MPP4: variants seen among roughly 807,000 people sequenced by gnomAD.
The protein encoded by MPP4 is MAGUK p55 scaffold protein 4.
MPP4 carries 91 observed loss-of-function variants against 98.3 expected under a neutral mutation model. The ratio of observed to expected loss-of-function variants is 0.93; its 90% confidence interval spans 0.78 to 1.10. MPP4 has a LOEUF of 1.10. Among genes scored for constraint, MPP4 ranks in the 50% least tolerant of loss-of-function variants. The pLI is 0.00. For missense variants in MPP4, 744 were observed against 792.9 expected, an observed-to-expected ratio of 0.94 and a Z score of 0.74; for synonymous variants, 261 against 271.8, an observed-to-expected ratio of 0.96 and a Z score of 0.39.
intron 16 of MPP4, among the ~76,000 whole-genome samples, chr2:201,658,058 C>A (rs1390152278): frequency 1.3e-5 from 2 of 151,590 alleles, no homozygotes; most frequent in Non-Finnish European, 2.9e-5. Flanking sequence ...GCTAGTTTTC[C>A]CCTGCCTCCC....
At position 201,680,988 on chromosome 2, in the gene MPP4, T is replaced by C; in HGVS notation, c.779A>G (p.Asp260Gly). The C allele has an allele frequency of 1.2e-6, 2 of 1,613,862 alleles. No individual in the cohort carries two copies. The highest frequency in any genetic ancestry group is 1.3e-5 in the African/African-American group (1 of 74,990). Residue 260 changes from aspartate to glycine, a missense_variant, in exon 10 of 22, where the codon GAC becomes GGC. By Grantham distance (94) the Asp-to-Gly change is moderately conservative (BLOSUM62 -1). Transcript: ENST00000409474. Reference protein sequence around the residue: ...MTEYWPQEDPDIPCMDAGLPF... With the variant: ...MTEYWPQEDPGIPCMDAGLPF... ...CAATCCAGCGTCCATGCAGGGGATGTCGGGATCCTCCTGGGGCCAGTACTC... is the reference window on the plus strand; with the variant it reads ...CAATCCAGCGTCCATGCAGGGGATGCCGGGATCCTCCTGGGGCCAGTACTC...
At chr2:201,661,486 G>A (rs201005984) in intron 14 of MPP4, 9 of 456,372 alleles carry the variant, frequency 2.0e-5, no homozygotes, top group Non-Finnish European at 4.0e-5. Flanking sequence ...AGAACGTATC[G>A]ATGCTTGAGA....
chr2:201,671,242 G>T (rs1329421917), intron 11 of MPP4, among the ~76,000 whole-genome samples: 1 of 152,142 alleles, frequency 6.6e-6, no homozygotes, highest in Non-Finnish European at 1.5e-5. Flanking sequence ...TGGAAAAGGG[G>T]CTGAAGCCAG....
intron 18 of MPP4, 58 bp downstream of exon 18, chr2:201,654,779 A>G: frequency 8.0e-7 from 1 of 1,244,518 alleles, no homozygotes; most frequent in Non-Finnish European, 1.1e-6. Flanking sequence ...GTTAAATGAG[A>G]TCAGCAAAGA....
rs1343560651 is a variant in MPP4, at chr2:201,649,561, C to T, written c.1584+15G>A. The T allele has an allele frequency of 6.4e-7, 1 of 1,568,462 alleles. No individual in the cohort carries two copies. The highest frequency in any genetic ancestry group is 1.2e-5 in the South Asian group (1 of 85,726). On this transcript the variant is annotated intron_variant, in intron 20 of 21. Coordinates refer to ENST00000409474, the MANE Select transcript of MPP4 (RefSeq NM_033066.3). ...TTCATTGTTTGGGGACATAAATATT[C>T]CACCATGGACCCACCTGAGGCTCTA...
chr2:201,660,326 A>T lies in MPP4; in HGVS notation c.1087+6T>A. The T allele has an allele frequency of 1.2e-6, 2 of 1,612,498 alleles. No homozygotes were observed. Among genetic ancestry groups the T allele is most frequent in the Non-Finnish European group, 1.7e-6 (2 of 1,178,490 alleles). On this transcript the variant is annotated splice_donor_region_variant and intron_variant, in intron 15 of 21. Coordinates refer to ENST00000409474, the MANE Select transcript of MPP4 (RefSeq NM_033066.3). The stretch of plus-strand genomic sequence containing the variant: ...TTTGGTATATCTAGGAAATAAAAAC[A>T]ATTACCTTCTGAAAGTTCCTCTGGA...
intron 11 of MPP4, among the ~76,000 whole-genome samples, chr2:201,674,647 A>G (rs994497329): frequency 2.6e-5 from 4 of 152,120 alleles, no homozygotes; most frequent in Admixed American, 1.3e-4. Flanking sequence ...GAGACATTTT[A>G]TTTATAGTTT....
intron 16 of MPP4, among the ~76,000 whole-genome samples, chr2:201,656,648 T>C (rs1687855301): frequency 6.6e-6 from 1 of 152,184 alleles, no homozygotes; most frequent in South Asian, 2.1e-4. Context: ...CTACATTTTG[T>C]AGAAGAAGAG....
intron 11 of MPP4, among the ~76,000 whole-genome samples, 181 bp from the exon 12 acceptor site, chr2:201,669,931 T>A (rs1362377267): frequency 6.6e-6 from 1 of 152,236 alleles, no homozygotes. Context: ...ATGAATACTT[T>A]ATAAAACTGA....
intron 18 of MPP4, among the ~76,000 whole-genome samples, chr2:201,654,075 T>C (rs1392410587): frequency 6.6e-6 from 1 of 152,012 alleles, no homozygotes; most frequent in Non-Finnish European, 1.5e-5. Flanking sequence ...CTCCCAGGTT[T>C]AAGCGATTAT....
chr2:201,694,221 A>G (rs910034189), intron 1 of MPP4, among the ~76,000 whole-genome samples, 167 bp from the exon 2 acceptor site: 8 of 152,188 alleles, frequency 5.3e-5, no homozygotes, highest in Non-Finnish European at 1.2e-4. Flanking sequence ...CCCTAACTCC[A>G]TGTTTTAAAC....
In MPP4 at chr2:201,682,557, G is replaced by T. The variant is rs1208072; in HGVS notation, c.660+274C>A. 7.4e-3 allele frequency among the ~76,000 whole-genome samples: 1,120 copies of T among 152,294 alleles called. 12 individuals carry two copies. Among genetic ancestry groups the T allele is most frequent in the African/African-American group, 0.026 (1,076 of 41,558 alleles). On this transcript the variant is annotated intron_variant, in intron 8 of 21. Transcript: ENST00000409474. The stretch of plus-strand genomic sequence containing the variant: ...AGCAAACCAGGTGATGAGGGAGCTG[G>T]GCTGGGGGCCCTGGCAGTCTTCCCG...
intron 9 of MPP4, 93 bp from the exon 10 acceptor site, chr2:201,681,127 T>A (rs1309413209): frequency 1.6e-6 from 2 of 1,272,450 alleles, no homozygotes; most frequent in African/African-American, 3.0e-5. Context: ...TTAAAACCAT[T>A]TCTCCCACTC....
intron 21 of MPP4, 115 bp downstream of exon 21, chr2:201,647,576 G>A: frequency 1.8e-6 from 2 of 1,109,228 alleles, no homozygotes; most frequent in East Asian, 2.4e-5. Context: ...TTGGAGAGGG[G>A]GTCAAAAAGG....
intron 18 of MPP4, among the ~76,000 whole-genome samples, chr2:201,652,498 C>T (rs529802130): frequency 6.6e-6 from 1 of 152,292 alleles, no homozygotes; most frequent in Non-Finnish European, 1.5e-5. Flanking sequence ...TAGCGGTTTC[C>T]ATGACTCTTT....
intron 16 of MPP4, among the ~76,000 whole-genome samples, chr2:201,656,764 T>C (rs1327723413): frequency 6.6e-6 from 1 of 152,206 alleles, no homozygotes; most frequent in African/African-American, 2.4e-5. Context: ...GGAGTATCTC[T>C]GAAAGGTTGG....
intron 1 of MPP4, 47 bp downstream of exon 1, chr2:201,698,540 T>C (rs923857157): frequency 3.9e-6 from 5 of 1,292,804 alleles, no homozygotes; most frequent in East Asian, 5.7e-5. Flanking sequence ...TAGGCAGTTA[T>C]GGATACATCT....
chr2:201,655,676 G>C (rs1468201859), intron 17 of MPP4, among the ~76,000 whole-genome samples: 1 of 152,112 alleles, frequency 6.6e-6, no homozygotes, highest in African/African-American at 2.4e-5. Context: ...AAAAGTCATG[G>C]TCACAAAAGC....
At chr2:201,660,994 C>T (rs1251462686) in intron 14 of MPP4, among the ~76,000 whole-genome samples, 1 of 152,208 alleles carries the variant, frequency 6.6e-6, no homozygotes, top group East Asian at 1.9e-4. Flanking sequence ...TATCTTGGCT[C>T]ACTGCAATCT....
Sources: allele counts gnomAD v4.1 joint callset (sites outside exome capture counted in the v4.1 genomes callset), GRCh38; gene constraint gnomAD v4.1.1; transcripts MANE v1.5; gene names NCBI Gene and HGNC (gene_info 2026-07-23, HGNC 2026-07-21).